The following WDR7 variants were observed in gnomAD, a reference collection of about 807,000 sequenced individuals.
The protein encoded by WDR7 is WD repeat-containing protein 7.
A neutral mutation model predicts 169.4 loss-of-function variants in WDR7; 46 were observed. That is an observed-to-expected ratio of 0.27 (90% CI 0.21 to 0.35). The LOEUF (loss-of-function observed/expected upper bound fraction) is 0.35. Ranked by LOEUF, WDR7 falls within the 10% of genes least tolerant of loss-of-function variation. The pLI is 1.00. For synonymous variants in WDR7, 612 were observed against 666.8 expected, an observed-to-expected ratio of 0.92 and a Z score of 1.27; for missense variants, 1,534 against 1,859.3, an observed-to-expected ratio of 0.83 and a Z score of 3.22.
intron 22 of WDR7, among the ~76,000 whole-genome samples, chr18:56,935,257 A>G (rs1011380147): frequency 6.6e-6 from 1 of 152,228 alleles, no homozygotes; most frequent in African/African-American, 2.4e-5. Context: ...TAAAAGTACT[A>G]AACTGGGGTA....
Position 56,867,010 on chromosome 18 carries a change from C to T in WDR7, c.3305-12934C>T, listed in dbSNP as rs113159634. Among the ~76,000 whole-genome samples, 1,169 of 148,564 alleles carry T rather than the reference C, an allele frequency of 7.9e-3. 6 individuals carry two copies. The highest frequency in any genetic ancestry group is 0.012 in the African/African-American group (462 of 38,678). ...ATTATGCAACAACTTTATTTACTTA[C>T]TTATTTATTTATTTATTTATTTATT... On this transcript the variant is annotated intron_variant, in intron 20 of 27. Coordinates refer to ENST00000254442, the MANE Select transcript of WDR7 (RefSeq NM_015285.3).
At chr18:56,949,895 A>G (rs1342306746) in intron 25 of WDR7, among the ~76,000 whole-genome samples, 1 of 152,220 alleles carries the variant, frequency 6.6e-6, no homozygotes, top group African/African-American at 2.4e-5. Context: ...TCTCCTCAAA[A>G]AAGTTAGTTT....
intron 26 of WDR7, among the ~76,000 whole-genome samples, chr18:57,019,491 C>T (rs1217671340): frequency 6.6e-6 from 1 of 152,114 alleles, no homozygotes; most frequent in Non-Finnish European, 1.5e-5. Flanking sequence ...TCTCTCCCTG[C>T]CCAGAGCCCA....
rs2048404474 is a variant in WDR7, at chr18:57,028,767, A to G, written c.*1560A>G. 2 of 152,666 alleles carry G rather than the reference A, an allele frequency of 1.3e-5. No homozygotes were observed. The highest frequency in any genetic ancestry group is 1.9e-4 in the East Asian group (1 of 5,204). 9.5% of individuals were successfully genotyped at this position (152,666 alleles called of 1,614,324 possible). On this transcript the variant is annotated 3_prime_UTR_variant, in exon 28 of 28. Coordinates refer to ENST00000254442, the MANE Select transcript of WDR7 (RefSeq NM_015285.3). ...TTAAGACCATTAGATCATCTCTTTC[A>G]TAATGATATGATGTTATTTCCATTG...
chr18:56,756,742 C>G lies in WDR7; in HGVS notation c.2149C>G (p.Pro717Ala). 6.2e-7 allele frequency: 1 copy of G among 1,614,078 alleles called. No individual in the cohort carries two copies. The highest frequency in any genetic ancestry group is 8.5e-7 in the Non-Finnish European group (1 of 1,180,010). Reference sequence around the variant, plus strand: ...TAGGCCGAATACTGCTCTTATTTCCCCAGAGAATTTGCAAAAAGCATCTGG... The same window carrying G: ...TAGGCCGAATACTGCTCTTATTTCCGCAGAGAATTTGCAAAAAGCATCTGG... ...ASRPNTALIS[P>A]ENLQKASGSS... Residue 717 changes from proline (P) to alanine (A), a missense_variant, in exon 15 of 28, where the codon CCA becomes GCA. Pro to Ala is a conservative substitution (Grantham distance 27). Coordinates refer to ENST00000254442, the MANE Select transcript of WDR7 (RefSeq NM_015285.3).
chr18:56,659,439 T>C (rs921176808), intron 1 of WDR7, among the ~76,000 whole-genome samples: 2 of 152,146 alleles, frequency 1.3e-5, no homozygotes, highest in East Asian at 1.9e-4. Flanking sequence ...GGGAATACAA[T>C]AGAGAAGAAA....
At chr18:56,759,215 A>C (rs1214726959) in intron 16 of WDR7, among the ~76,000 whole-genome samples, 1 of 152,148 alleles carries the variant, frequency 6.6e-6, no homozygotes, top group Non-Finnish European at 1.5e-5. Context: ...GGGCACCTTA[A>C]CTTGACAACA....
At chr18:56,884,605 C>T (rs1396130812) in intron 21 of WDR7, among the ~76,000 whole-genome samples, 1 of 152,138 alleles carries the variant, frequency 6.6e-6, no homozygotes, top group African/African-American at 2.4e-5. Context: ...GGCCTGAGAA[C>T]CACACTCCCA....
In WDR7 at chr18:56,856,546, T is replaced by A. The variant is rs555062754; in HGVS notation, c.3305-23398T>A. ...AAGACTTAGTCTTTAAAAAAATAAA[T>A]AAATAAATAAAAATAGAAAACTATA... On this transcript the variant is annotated intron_variant, in intron 20 of 27. Coordinates refer to ENST00000254442, the MANE Select transcript of WDR7 (RefSeq NM_015285.3). 4.0e-4 allele frequency among the ~76,000 whole-genome samples: 61 copies of A among 151,758 alleles called. No homozygotes were observed. In the South Asian group the frequency reaches 0.012, roughly 29 times the overall value.
intron 21 of WDR7, among the ~76,000 whole-genome samples, chr18:56,910,850 C>G (rs928886453): frequency 3.3e-5 from 5 of 152,028 alleles, no homozygotes; most frequent in African/African-American, 4.8e-5. Flanking sequence ...ATCAGCGCAT[C>G]CTTATTTGTA....
intron 20 of WDR7, among the ~76,000 whole-genome samples, chr18:56,862,746 T>A (rs1396935203): frequency 6.6e-6 from 1 of 151,894 alleles, no homozygotes; most frequent in Admixed American, 6.6e-5. Context: ...TATTTTAGTA[T>A]CTTTTACTTT....
At chr18:56,691,044 C>T (rs750853702) in intron 7 of WDR7, among the ~76,000 whole-genome samples, 172 bp from the exon 8 acceptor site, 3 of 152,170 alleles carry the variant, frequency 2.0e-5, no homozygotes, top group African/African-American at 7.2e-5. Context: ...GTTGTGTCTT[C>T]CCTATTGAAG....
At chr18:56,769,076 A>G (rs1214356569) in intron 16 of WDR7, among the ~76,000 whole-genome samples, 1 of 152,018 alleles carries the variant, frequency 6.6e-6, no homozygotes, top group East Asian at 1.9e-4. Context: ...ACTTTTTTTT[A>G]TACAGTTTAT....
At chr18:57,005,204 A>T (rs190576056) in intron 26 of WDR7, among the ~76,000 whole-genome samples, 24 of 152,224 alleles carry the variant, frequency 1.6e-4, no homozygotes, top group African/African-American at 5.8e-4. Flanking sequence ...ACTGTTTAAA[A>T]AAATGATGTC....
At chr18:56,901,630 T>C (rs973216764) in intron 21 of WDR7, among the ~76,000 whole-genome samples, 2 of 152,206 alleles carry the variant, frequency 1.3e-5, no homozygotes, top group Admixed American at 1.3e-4. Context: ...TCTTTGATTA[T>C]AATGTACAAT....
intron 16 of WDR7, among the ~76,000 whole-genome samples, chr18:56,774,291 A>T (rs1332859222): frequency 1.3e-5 from 2 of 152,154 alleles, no homozygotes; most frequent in Admixed American, 6.6e-5. Context: ...GGGATGTTAT[A>T]ATATTGGATA....
intron 16 of WDR7, among the ~76,000 whole-genome samples, chr18:56,775,139 A>T (rs904158798): frequency 6.6e-6 from 1 of 152,100 alleles, no homozygotes; most frequent in African/African-American, 2.4e-5. Flanking sequence ...CTAAACTTTT[A>T]TTCATTTGTA....
Position 56,816,123 on chromosome 18 carries a change from G to C in WDR7, c.3283G>C (p.Val1095Leu). 1 of 1,613,706 alleles carries C rather than the reference G, an allele frequency of 6.2e-7. No homozygotes were observed. Among genetic ancestry groups the C allele is most frequent in the Non-Finnish European group, 8.5e-7 (1 of 1,179,890 alleles). Residue 1095 changes from valine (V) to leucine (L), a missense_variant, in exon 20 of 28, where the codon GTT becomes CTT. Transcript: ENST00000254442. ...AKVQEEEHDL[V>L]DDDITTGCLS... ...AGTCCAGGAGGAAGAGCATGACCTT[G>C]TTGACGATGACATCACCACTGGTAA...
At chr18:56,693,051 C>T (rs1387171497) in intron 9 of WDR7, among the ~76,000 whole-genome samples, 11 of 151,960 alleles carry the variant, frequency 7.2e-5, no homozygotes, top group South Asian at 2.1e-4. Context: ...GGCAACATGG[C>T]GAGACCCTGT....
Sources: allele counts gnomAD v4.1 joint callset (sites outside exome capture counted in the v4.1 genomes callset), GRCh38; gene constraint gnomAD v4.1.1; transcripts MANE v1.5; gene names NCBI Gene and HGNC (gene_info 2026-07-23, HGNC 2026-07-21).